SIPA1L1: variants seen among roughly 807,000 people sequenced by gnomAD.
The protein encoded by SIPA1L1 is signal induced proliferation associated 1 like 1.
SIPA1L1 carries 26 observed loss-of-function variants against 162.7 expected under a neutral mutation model. The ratio of observed to expected loss-of-function variants is 0.16; its 90% CI spans 0.12 to 0.22. The LOEUF is 0.22. Ranked by LOEUF, SIPA1L1 falls within the 10% of genes least tolerant of loss-of-function variation. The probability of loss-of-function intolerance (pLI) is 1.00; values close to 1 mark genes in which losing one functional copy is unlikely to be tolerated. For missense variants in SIPA1L1, 1,874 were observed against 2,241.0 expected (o/e 0.84, Z 3.31); for synonymous variants, 829 against 837.4 (o/e 0.99, Z 0.17).
chr14:71,503,980 T>C (rs1022615230), intron 2 of SIPA1L1: 1 of 151,998 alleles, frequency 6.6e-6, no homozygotes, highest in South Asian at 2.1e-4. Flanking sequence ...CTTTTCTGTA[T>C]TTTTTGTAGA....
intron 2 of SIPA1L1, among the ~76,000 whole-genome samples, chr14:71,436,940 AT>A (rs1257069113): frequency 6.6e-6 from 1 of 151,292 alleles, no homozygotes; most frequent in African/African-American, 2.4e-5. Flanking sequence ...AATTTTTTGT[AT>A]TTTTAGTAGA....
intron 2 of SIPA1L1, chr14:71,398,267 C>A (rs1183682073): frequency 6.6e-6 from 1 of 152,046 alleles, no homozygotes; most frequent in Non-Finnish European, 1.5e-5. Flanking sequence ...GATTAATTTT[C>A]AAAGGTTATT....
intron 13 of SIPA1L1, among the ~76,000 whole-genome samples, chr14:71,693,955 C>T (rs2081434116): frequency 6.6e-6 from 1 of 151,920 alleles, no homozygotes; most frequent in African/African-American, 2.4e-5. Context: ...TTACTGAGGG[C>T]CTTATGTCCT....
intron 7 of SIPA1L1, among the ~76,000 whole-genome samples, chr14:71,625,302 CTTTT>C (rs550881711): frequency 1.4e-5 from 2 of 142,646 alleles, no homozygotes; most frequent in Non-Finnish European, 3.1e-5. Flanking sequence ...TCTCTCTTCT[CTTTT>C]TTTTTTTTTT....
intron 4 of SIPA1L1, among the ~76,000 whole-genome samples, chr14:71,549,118 T>G (rs1484894779): frequency 6.6e-6 from 1 of 152,208 alleles, no homozygotes; most frequent in East Asian, 1.9e-4. Flanking sequence ...TAAGTGGTTT[T>G]AAGTGCTGGA....
At chr14:71,545,891 A>AGG (rs1376405177) in intron 4 of SIPA1L1, among the ~76,000 whole-genome samples, 9 of 152,136 alleles carry the variant, frequency 5.9e-5, no homozygotes, top group Non-Finnish European at 1.2e-4. Flanking sequence ...GCCTGAGTCC[A>AGG]GAAATTTAAG....
At chr14:71,556,238 A>T (rs1306194577) in intron 4 of SIPA1L1, among the ~76,000 whole-genome samples, 1 of 152,254 alleles carries the variant, frequency 6.6e-6, no homozygotes, top group Non-Finnish European at 1.5e-5. Flanking sequence ...CTACTGTTTC[A>T]GAAAAACTCT....
intron 17 of SIPA1L1, among the ~76,000 whole-genome samples, chr14:71,722,302 T>G (rs752389912): frequency 1.2e-4 from 18 of 152,190 alleles, no homozygotes; most frequent in Non-Finnish European, 2.1e-4. Context: ...GGAGGCACAG[T>G]TGTTAGAGGG....
At chr14:71,735,954 G>C (rs116333689) in intron 22 of SIPA1L1, among the ~76,000 whole-genome samples, 2,979 of 152,326 alleles carry the variant, frequency 0.02, 43 homozygotes, top group South Asian at 0.057. Context: ...CGACTTTTCT[G>C]TTTTCCCCTT....
At chr14:71,698,179 A>T (rs775051854) in intron 13 of SIPA1L1, among the ~76,000 whole-genome samples, 3 of 152,228 alleles carry the variant, frequency 2.0e-5, no homozygotes, top group African/African-American at 7.2e-5. Flanking sequence ...CCTAGTCACA[A>T]CTGTCAGCAC....
At chr14:71,567,245 G>C (rs953064487) in intron 4 of SIPA1L1, among the ~76,000 whole-genome samples, 2 of 152,164 alleles carry the variant, frequency 1.3e-5, no homozygotes, top group African/African-American at 4.8e-5. Context: ...ACTTTCAGCA[G>C]TTCCCATTCT....
intron 2 of SIPA1L1, among the ~76,000 whole-genome samples, chr14:71,500,723 G>A (rs966943102): frequency 1.2e-4 from 18 of 152,142 alleles, no homozygotes; most frequent in Non-Finnish European, 1.6e-4. Context: ...AAGTTAGAAG[G>A]GGGCAGGGTG....
intron 2 of SIPA1L1, among the ~76,000 whole-genome samples, chr14:71,512,122 A>G (rs926030267): frequency 6.6e-6 from 1 of 152,204 alleles, no homozygotes; most frequent in Non-Finnish European, 1.5e-5. Flanking sequence ...GTAGGTAAGA[A>G]ATACCTGAGG....
At chr14:71,727,475 A>G (rs2084350786) in intron 19 of SIPA1L1, among the ~76,000 whole-genome samples, 1 of 150,876 alleles carries the variant, frequency 6.6e-6, no homozygotes, top group Non-Finnish European at 1.5e-5. Flanking sequence ...GAACCCCATT[A>G]TATAGAATTC....
chr14:71,433,540 C>T (rs1353001897), intron 2 of SIPA1L1, among the ~76,000 whole-genome samples: 1 of 152,178 alleles, frequency 6.6e-6, no homozygotes, highest in Non-Finnish European at 1.5e-5. Flanking sequence ...TGGTCTCAAA[C>T]TCTTGAGCTC....
At chr14:71,512,655 G>T (rs1165919231) in intron 2 of SIPA1L1, 88 bp from the exon 3 acceptor site, 3 of 138,780 alleles carry the variant, frequency 2.2e-5, no homozygotes, top group Non-Finnish European at 3.1e-5. Context: ...TTTGTGTGTG[G>T]GGGGAAGCCG....
chr14:71,571,102 T>G (rs982679021), intron 4 of SIPA1L1, among the ~76,000 whole-genome samples: 1 of 152,178 alleles, frequency 6.6e-6, no homozygotes, highest in Non-Finnish European at 1.5e-5. Flanking sequence ...GCCAGAATGA[T>G]TTTTTTAAAC....
intron 13 of SIPA1L1, among the ~76,000 whole-genome samples, chr14:71,695,699 A>G (rs531663251): frequency 1.3e-5 from 2 of 152,338 alleles, no homozygotes; most frequent in South Asian, 2.1e-4. Flanking sequence ...CTGGGTTAAC[A>G]TTCCACTGCT....
intron 7 of SIPA1L1, among the ~76,000 whole-genome samples, chr14:71,645,379 A>G (rs1596609940): frequency 6.6e-6 from 1 of 152,196 alleles, no homozygotes; most frequent in South Asian, 2.1e-4. Flanking sequence ...ATTAGGAAGT[A>G]GGTGGGTTTG....
Sources: allele counts gnomAD v4.1 joint callset (sites outside exome capture counted in the v4.1 genomes callset), GRCh38; gene constraint gnomAD v4.1.1; transcripts MANE v1.5; gene names NCBI Gene and HGNC (gene_info 2026-07-23, HGNC 2026-07-21).